PIAS1: variants seen among roughly 807,000 people sequenced by gnomAD.
PIAS1 encodes E3 SUMO-protein ligase PIAS1.
In PIAS1, 6 loss-of-function variants were observed where a neutral mutation model predicts 71.3. That is an observed-to-expected ratio of 0.08 (90% CI 0.05 to 0.17). The LOEUF is 0.17. PIAS1 is among the 10% of genes least tolerant of loss of function. The probability of loss-of-function intolerance (pLI) is 1.00; values close to 1 mark genes in which losing one functional copy is unlikely to be tolerated. For synonymous variants in PIAS1, 303 were observed against 292.9 expected (o/e 1.03, Z -0.35); for missense variants, 555 against 793.6 (o/e 0.70, Z 3.61).
chr15:68,102,161 G>A (rs1482981804), intron 2 of PIAS1, among the ~76,000 whole-genome samples: 1 of 152,146 alleles, frequency 6.6e-6, no homozygotes, highest in African/African-American at 2.4e-5. Flanking sequence ...GTGTGAGATT[G>A]AGATTGAGCT....
chr15:68,113,964 G>T (rs1018812805), intron 2 of PIAS1, among the ~76,000 whole-genome samples: 2 of 151,592 alleles, frequency 1.3e-5, no homozygotes, highest in Non-Finnish European at 2.9e-5. Flanking sequence ...TGAAAATTCA[G>T]AAATCTAGCA....
At chr15:68,090,998 C>T (rs2092328412) in intron 2 of PIAS1, among the ~76,000 whole-genome samples, 2 of 149,364 alleles carry the variant, frequency 1.3e-5, no homozygotes, top group East Asian at 2.0e-4. Context: ...AGGAGAACCT[C>T]ACTAGCTCAC....
At chr15:68,064,952 C>G (rs1045509424) in intron 1 of PIAS1, among the ~76,000 whole-genome samples, 5 of 151,962 alleles carry the variant, frequency 3.3e-5, no homozygotes, top group African/African-American at 9.7e-5. Flanking sequence ...GCCATGTCGC[C>G]CAGGCTGGTC....
chr15:68,127,554 C>G (rs2092659330), intron 2 of PIAS1, among the ~76,000 whole-genome samples: 1 of 125,782 alleles, frequency 8.0e-6, no homozygotes, highest in African/African-American at 2.8e-5. Context: ...TATTTGCTTT[C>G]CAGTTTCTAC....
intron 2 of PIAS1, among the ~76,000 whole-genome samples, chr15:68,130,320 A>G (rs1296352446): frequency 6.6e-6 from 1 of 152,038 alleles, no homozygotes; most frequent in African/African-American, 2.4e-5. Flanking sequence ...AATCACATAG[A>G]AGAAATATAT....
At chr15:68,156,601 C>T (rs1056570842) in intron 7 of PIAS1, among the ~76,000 whole-genome samples, 2 of 151,332 alleles carry the variant, frequency 1.3e-5, no homozygotes, top group East Asian at 2.0e-4. Flanking sequence ...CCCAGCTACT[C>T]GGAAGGCTGA....
chr15:68,173,602 A>G lies in PIAS1; in HGVS notation c.1009-130A>G, dbSNP rs1024318011. ...CAGGAAATGTGTTTAATGTTCTTCT[A>G]CATTGATGAAAAGTCAACACTGTAT... On this transcript the variant is annotated intron_variant, in intron 8 of 13. Transcript: ENST00000249636. This position sits in a 1 kb window ranked among gnomAD's most constrained non-coding sequence, Gnocchi z 4.3. 1.4e-5 allele frequency: 7 copies of G among 485,606 alleles called. No individual in the cohort carries two copies. The South Asian group carries it at 2.2e-4, about 15-fold the overall frequency. The allele number at this position is 485,606 out of a possible 1,614,324, so 30.1% of individuals were successfully genotyped here. A position where few individuals can be genotyped will look rare whatever the true frequency, so the allele number is the denominator to read the frequency against.
rs1302692909 is a variant in PIAS1, at chr15:68,171,178, G to A, written c.1009-2554G>A. 3.3e-5 allele frequency among the ~76,000 whole-genome samples: 5 copies of A among 151,974 alleles called. No homozygotes were observed. The highest frequency in any genetic ancestry group is 5.9e-5 in the Non-Finnish European group (4 of 68,014). On this transcript the variant is annotated intron_variant, in intron 8 of 13. Transcript: ENST00000249636. This position sits in a 1 kb window ranked among gnomAD's most constrained non-coding sequence, Gnocchi z 4.4. ...ACACACATTAGCCTAGGCCTGCACAGGGTCCGGATCATCAGTATCACTACT... is the reference window on the plus strand; with the variant it reads ...ACACACATTAGCCTAGGCCTGCACAAGGTCCGGATCATCAGTATCACTACT...
At chr15:68,145,665 A>C in intron 4 of PIAS1, 151 bp from the exon 5 acceptor site, 1 of 571,428 alleles carries the variant, frequency 1.7e-6, no homozygotes. Context: ...CTATTTACAT[A>C]TACTTATTAA....
intron 13 of PIAS1, chr15:68,184,586 C>G (rs1055607576): frequency 2.6e-5 from 4 of 152,228 alleles, no homozygotes; most frequent in Admixed American, 2.6e-4. Context: ...AATCATTATT[C>G]ATTATGTAAT....
intron 2 of PIAS1, among the ~76,000 whole-genome samples, chr15:68,117,758 C>T (rs1002599316): frequency 6.6e-6 from 1 of 152,192 alleles, no homozygotes; most frequent in African/African-American, 2.4e-5. Flanking sequence ...ATTCGTCTCT[C>T]TGTGGACATT....
chr15:68,089,863 A>G (rs1447182201), intron 2 of PIAS1, among the ~76,000 whole-genome samples: 1 of 147,828 alleles, frequency 6.8e-6, no homozygotes, highest in Non-Finnish European at 1.5e-5. Flanking sequence ...GCCTCATAAC[A>G]TTTATTTTTT....
chr15:68,092,212 T>C (rs934350506), intron 2 of PIAS1, among the ~76,000 whole-genome samples: 1 of 152,128 alleles, frequency 6.6e-6, no homozygotes, highest in Non-Finnish European at 1.5e-5. Context: ...CTCGCTGTAT[T>C]GCCCAGGCTG....
intron 4 of PIAS1, 33 bp from the exon 5 acceptor site, chr15:68,145,783 T>A (rs750414066): frequency 1.3e-4 from 158 of 1,213,798 alleles, no homozygotes; most frequent in Non-Finnish European, 1.9e-4. Context: ...CATCCTTTAA[T>A]AAAGGAAATT....
At chr15:68,182,538 C>G (rs1331546880) in intron 12 of PIAS1, among the ~76,000 whole-genome samples, 6 of 117,660 alleles carry the variant, frequency 5.1e-5, no homozygotes, top group Admixed American at 4.0e-4. Flanking sequence ...TCTTATTGCT[C>G]AGGCTGGAGT....
chr15:68,182,475 T>G (rs1052899483), intron 12 of PIAS1, among the ~76,000 whole-genome samples: 13 of 87,134 alleles, frequency 1.5e-4, no homozygotes, highest in African/African-American at 5.4e-4. Flanking sequence ...AGTTTTGCTC[T>G]TATTGCTCAG....
At chr15:68,101,215 G>C (rs1410455088) in intron 2 of PIAS1, among the ~76,000 whole-genome samples, 1 of 151,924 alleles carries the variant, frequency 6.6e-6, no homozygotes, top group African/African-American at 2.4e-5. Flanking sequence ...GGTGGTTTTA[G>C]TTTGCATTTC....
intron 2 of PIAS1, among the ~76,000 whole-genome samples, chr15:68,117,061 T>G (rs1436284218): frequency 6.6e-6 from 1 of 152,114 alleles, no homozygotes; most frequent in Non-Finnish European, 1.5e-5. Context: ...TTCTAGCGTT[T>G]TTTTGTTGTT....
intron 7 of PIAS1, among the ~76,000 whole-genome samples, chr15:68,162,009 C>G (rs1250921081): frequency 6.6e-6 from 1 of 151,844 alleles, no homozygotes; most frequent in Non-Finnish European, 1.5e-5. Context: ...GCAGCAATTT[C>G]AGCTCACTGC....
Sources: gnomAD v4.1 joint callset for allele counts (sites outside exome capture counted in the v4.1 genomes callset) on GRCh38, gnomAD v4.1.1 for gene constraint, Gnocchi (gnomAD v3.1) non-coding constraint, MANE v1.5 for transcripts, NCBI Gene and HGNC (gene_info 2026-07-23, HGNC 2026-07-21) for gene names.